The following RIMS1 variants were observed in gnomAD, a reference collection of about 807,000 sequenced individuals.
RIMS1 encodes regulating synaptic membrane exocytosis 1, also known as regulating synaptic membrane exocytosis protein 1.
In RIMS1, 83 loss-of-function variants were observed where a neutral mutation model predicts 214.1. That is an observed-to-expected ratio of 0.39 (90% confidence interval 0.32 to 0.47). The LOEUF is 0.47. Ranked by LOEUF, RIMS1 falls within the 20% of genes least tolerant of loss-of-function variation. RIMS1 has a pLI of 0.99. For synonymous variants in RIMS1, 793 were observed against 786.8 expected (o/e 1.01, Z -0.13); for missense variants, 2,050 against 2,161.8 (o/e 0.95, Z 1.03).
chr6:72,373,610 G>C (rs927949899), intron 29 of RIMS1, among the ~76,000 whole-genome samples: 1 of 152,204 alleles, frequency 6.6e-6, no homozygotes, highest in Admixed American at 6.5e-5. Context: ...AATTAAATTA[G>C]AGTCAGTAAT....
chr6:72,087,531 G>C (rs911431221), intron 2 of RIMS1, among the ~76,000 whole-genome samples: 1 of 152,158 alleles, frequency 6.6e-6, no homozygotes, highest in Non-Finnish European at 1.5e-5. Context: ...TTCTACTAAA[G>C]GTTGACTAAC....
At chr6:71,985,452 C>A (rs563998315) in intron 2 of RIMS1, among the ~76,000 whole-genome samples, 1 of 152,236 alleles carries the variant, frequency 6.6e-6, no homozygotes, top group Non-Finnish European at 1.5e-5. Context: ...AACTCACCAA[C>A]TTCCTAATTA....
At chr6:72,090,944 A>G (rs1004725175) in intron 2 of RIMS1, among the ~76,000 whole-genome samples, 1 of 152,176 alleles carries the variant, frequency 6.6e-6, no homozygotes. Context: ...TGGCTTTAAT[A>G]TCCATGCCAC....
At chr6:72,360,100 C>A (rs1289152167) in intron 29 of RIMS1, among the ~76,000 whole-genome samples, 4 of 152,140 alleles carry the variant, frequency 2.6e-5, no homozygotes, top group Admixed American at 2.0e-4. Context: ...GTTCACCCTC[C>A]AAATTCAAAT....
intron 2 of RIMS1, among the ~76,000 whole-genome samples, chr6:72,077,889 C>T (rs560155642): frequency 7.2e-5 from 11 of 152,090 alleles, no homozygotes; most frequent in Admixed American, 1.3e-4. Context: ...CATGGACATT[C>T]GACGAAACCC....
chr6:72,016,641 T>C (rs1055900858), intron 2 of RIMS1, among the ~76,000 whole-genome samples: 7 of 152,214 alleles, frequency 4.6e-5, no homozygotes, highest in African/African-American at 1.7e-4. Context: ...ATTTTGCCAG[T>C]GTTCTTATTG....
intron 23 of RIMS1, among the ~76,000 whole-genome samples, chr6:72,282,064 A>G (rs2090378699): frequency 6.6e-6 from 1 of 151,996 alleles, no homozygotes; most frequent in Non-Finnish European, 1.5e-5. Context: ...GGAAATTTTA[A>G]TGACAGTAAG....
At chr6:72,277,120 T>C (rs1439504952) in intron 23 of RIMS1, among the ~76,000 whole-genome samples, 1 of 152,196 alleles carries the variant, frequency 6.6e-6, no homozygotes, top group African/African-American at 2.4e-5. Context: ...TTCAAATAAA[T>C]TGAAAAGCTT....
intron 5 of RIMS1, among the ~76,000 whole-genome samples, chr6:72,180,541 T>C (rs1000330716): frequency 6.6e-6 from 1 of 152,234 alleles, no homozygotes; most frequent in Non-Finnish European, 1.5e-5. Context: ...ATAGCTTTTA[T>C]TGTAGGTGAA....
At chr6:72,284,839 G>A (rs2091723627) in intron 24 of RIMS1, among the ~76,000 whole-genome samples, 1 of 152,098 alleles carries the variant, frequency 6.6e-6, no homozygotes. Flanking sequence ...TCATTATAGA[G>A]GCATGCACAG....
chr6:72,124,780 G>A (rs1050935825), intron 4 of RIMS1, among the ~76,000 whole-genome samples: 2 of 152,028 alleles, frequency 1.3e-5, no homozygotes, highest in East Asian at 1.9e-4. Flanking sequence ...GGCTACTGAA[G>A]CTTGTGCATA....
At chr6:72,348,116 C>G (rs567215568) in intron 29 of RIMS1, among the ~76,000 whole-genome samples, 1 of 151,756 alleles carries the variant, frequency 6.6e-6, no homozygotes, top group South Asian at 2.1e-4. Context: ...CAAGCAAGCT[C>G]TTCTTAGTGG....
chr6:72,266,052 A>G lies in RIMS1; in HGVS notation c.3398+3A>G, dbSNP rs1305069048. On this transcript the variant is annotated splice_donor_region_variant and intron_variant, in intron 22 of 33. Transcript: ENST00000521978. Reference sequence around the variant, plus strand: ...TTGCATTCACCAGAACGAGAAAGGTATAAAATAAAGACTTTCTTAATTTCT... The same window carrying G: ...TTGCATTCACCAGAACGAGAAAGGTGTAAAATAAAGACTTTCTTAATTTCT... 2.6e-6 allele frequency: 4 copies of G among 1,557,616 alleles called. No individual in the cohort carries two copies. The highest frequency in any genetic ancestry group is 3.5e-6 in the Non-Finnish European group (4 of 1,146,274).
chr6:72,242,280 A>C (rs2067290494), intron 9 of RIMS1, 34 bp from the exon 10 acceptor site: 1 of 1,465,578 alleles, frequency 6.8e-7, no homozygotes, highest in Non-Finnish European at 9.3e-7. Context: ...CAGAATATAT[A>C]AGGTAAAAAA....
Position 72,182,364 on chromosome 6 carries a change from CGCAGCCCGT to C in RIMS1, c.895_903del (p.Gln299_Val301del). The C allele has an allele frequency of 6.2e-7, 1 of 1,613,828 alleles. No homozygotes were observed. The highest frequency in any genetic ancestry group is 8.5e-7 in the Non-Finnish European group (1 of 1,179,860). Reference sequence around the variant, plus strand: ...CGGAAACGCGTGCCAAAGACCTCAGCGCAGCCCGTGGAGGGGGCCGTCGAAGAACGGGAG... The same window carrying C: ...CGGAAACGCGTGCCAAAGACCTCAGCGGAGGGGGCCGTCGAAGAACGGGAG... On this transcript the variant is annotated inframe_deletion, in exon 6 of 34. Coordinates refer to ENST00000521978, the MANE Select transcript of RIMS1 (RefSeq NM_014989.7).
intron 29 of RIMS1, among the ~76,000 whole-genome samples, chr6:72,388,219 G>T (rs1173015318): frequency 6.6e-6 from 1 of 152,232 alleles, no homozygotes; most frequent in African/African-American, 2.4e-5. Context: ...CCTCCCTGAG[G>T]AGACAGCCTG....
At chr6:72,021,857 C>G (rs1814794563) in intron 2 of RIMS1, among the ~76,000 whole-genome samples, 1 of 152,090 alleles carries the variant, frequency 6.6e-6, no homozygotes, top group African/African-American at 2.4e-5. Context: ...GGGGAGAATG[C>G]AGAATTCACC....
At chr6:72,198,985 A>G (rs1425854305) in intron 6 of RIMS1, among the ~76,000 whole-genome samples, 2 of 152,020 alleles carry the variant, frequency 1.3e-5, no homozygotes, top group African/African-American at 4.8e-5. Flanking sequence ...ATAATAAACA[A>G]GAAATAGTAG....
At chr6:71,891,093 G>A (rs2150343830) in intron 1 of RIMS1, among the ~76,000 whole-genome samples, 1 of 152,300 alleles carries the variant, frequency 6.6e-6, no homozygotes, top group South Asian at 2.1e-4. Flanking sequence ...AAATTAGGCT[G>A]ATTCAGATCA....
Sources: gnomAD v4.1 joint callset for allele counts (sites outside exome capture counted in the v4.1 genomes callset) on GRCh38, gnomAD v4.1.1 for gene constraint, MANE v1.5 for transcripts, NCBI Gene and HGNC (gene_info 2026-07-23, HGNC 2026-07-21) for gene names.